The following STX6 variants were observed in gnomAD, a reference collection of about 807,000 sequenced individuals.
The protein encoded by STX6 is syntaxin 6.
Under a neutral mutation model 38.0 loss-of-function variants are expected in STX6, and 23 were observed. The ratio of observed to expected loss-of-function variants is 0.60; its 90% confidence interval spans 0.43 to 0.86. The LOEUF is 0.86. Among genes scored for constraint, STX6 ranks in the 40% least tolerant of loss-of-function variants. STX6 has a pLI of 0.00. For synonymous variants in STX6, 123 were observed against 107.5 expected, an observed-to-expected ratio of 1.14 and a Z score of -0.89; for missense variants, 274 against 312.9, an observed-to-expected ratio of 0.88 and a Z score of 0.94.
chr1:180,998,143 T>C (rs1168655081), intron 3 of STX6, among the ~76,000 whole-genome samples: 1 of 152,248 alleles, frequency 6.6e-6, no homozygotes, highest in Non-Finnish European at 1.5e-5. Context: ...TTCCTACTTT[T>C]ACTTCTTGAA....
At chr1:180,991,767 G>A (rs867350226) in intron 4 of STX6, among the ~76,000 whole-genome samples, 3 of 152,144 alleles carry the variant, frequency 2.0e-5, no homozygotes, top group African/African-American at 7.2e-5. Context: ...CTGGCACAAC[G>A]TGGCAAGGCC....
At position 180,975,916 on chromosome 1, in the gene STX6, C is replaced by A. The variant is rs41268450; in HGVS notation, c.*654G>T. The A allele has an allele frequency of 0.065, 9,981 of 152,546 alleles. 447 individuals carry two copies. The highest frequency in any genetic ancestry group is 0.11 in the Admixed American group (1,669 of 15,298). The allele number at this position is 152,546 out of a possible 1,614,324, so 9.4% of individuals were successfully genotyped here. The stretch of plus-strand genomic sequence containing the variant: ...GCCACAAGTTGTTAGCACCCCCAAA[C>A]CCCAGGGTGTTTCATTATTTTCCAT... On this transcript the variant is annotated 3_prime_UTR_variant, in exon 8 of 8. Coordinates refer to ENST00000258301, the MANE Select transcript of STX6 (RefSeq NM_005819.6).
intron 2 of STX6, among the ~76,000 whole-genome samples, chr1:181,003,569 T>A (rs1305805325): frequency 1.3e-5 from 2 of 152,206 alleles, no homozygotes; most frequent in African/African-American, 4.8e-5. Flanking sequence ...TGCCTTTTAA[T>A]AATGTAAAAG....
Position 180,975,722 on chromosome 1 carries a change from T to C in STX6, c.*848A>G, listed in dbSNP as rs1655227776. 6.6e-6 allele frequency: 1 copy of C among 152,234 alleles called. No homozygotes were observed. Among genetic ancestry groups the C allele is most frequent in the South Asian group, 2.1e-4 (1 of 4,834 alleles). 9.4% of individuals were successfully genotyped at this position (152,234 alleles called of 1,614,324 possible). On this transcript the variant is annotated 3_prime_UTR_variant, in exon 8 of 8. Transcript: ENST00000258301. ...CTGAGCTGTTTAGCAACAACATATG[T>C]AGCAATCACCCTCAAAACGCAAGCT... is the stretch of plus-strand genomic sequence containing the variant.
chr1:180,984,130 G>A (rs1047866308), intron 7 of STX6, among the ~76,000 whole-genome samples: 1 of 138,028 alleles, frequency 7.2e-6, no homozygotes, highest in Admixed American at 7.4e-5. Flanking sequence ...AACCAAACAC[G>A]GTGGGGGATC....
At chr1:181,007,965 C>G (rs1656275727) in intron 1 of STX6, among the ~76,000 whole-genome samples, 1 of 152,214 alleles carries the variant, frequency 6.6e-6, no homozygotes, top group African/African-American at 2.4e-5. Context: ...CTTCTACCAT[C>G]AGTCTGTGGA....
chr1:180,988,542 C>G (rs1655656495), intron 5 of STX6, 197 bp from the exon 6 acceptor site: 1 of 510,728 alleles, frequency 2.0e-6, no homozygotes, highest in South Asian at 2.1e-5. Context: ...CTACTGATAT[C>G]TCCTGCTGAT....
At chr1:180,993,146 A>G (rs1411478) in intron 4 of STX6, among the ~76,000 whole-genome samples, 85,253 of 151,922 alleles carry the variant, frequency 0.56, 24,255 homozygotes, top group East Asian at 0.63. Context: ...GAGCCCAGAG[A>G]AGAAGACCAG....
chr1:181,001,006 A>G (rs1656065600), intron 3 of STX6, among the ~76,000 whole-genome samples: 1 of 152,168 alleles, frequency 6.6e-6, no homozygotes, highest in Admixed American at 6.5e-5. Flanking sequence ...AGAATGTCCA[A>G]TCCAAACACT....
At chr1:180,991,266 G>A (rs1258496974) in intron 4 of STX6, among the ~76,000 whole-genome samples, 1 of 152,196 alleles carries the variant, frequency 6.6e-6, no homozygotes, top group Non-Finnish European at 1.5e-5. Flanking sequence ...GGGGCCCAGA[G>A]CTTCAGTCCA....
chr1:181,012,718 T>C (rs1656440411), intron 1 of STX6, among the ~76,000 whole-genome samples: 1 of 142,886 alleles, frequency 7.0e-6, no homozygotes, highest in African/African-American at 2.7e-5. Context: ...CTTGTTGCCC[T>C]GGCTGGAGTA....
At chr1:180,996,808 A>T (rs1213490115) in intron 3 of STX6, among the ~76,000 whole-genome samples, 1 of 152,116 alleles carries the variant, frequency 6.6e-6, no homozygotes, top group African/African-American at 2.4e-5. Flanking sequence ...CCTGAATTCA[A>T]CTGATCTTCC....
At chr1:180,999,600 A>T (rs1656018601) in intron 3 of STX6, among the ~76,000 whole-genome samples, 1 of 152,144 alleles carries the variant, frequency 6.6e-6, no homozygotes, top group Non-Finnish European at 1.5e-5. Flanking sequence ...TAAAGGCATA[A>T]CCAATGGACA....
At chr1:181,021,454 A>T (rs1656723647) in intron 1 of STX6, among the ~76,000 whole-genome samples, 1 of 152,226 alleles carries the variant, frequency 6.6e-6, no homozygotes, top group Admixed American at 6.5e-5. Flanking sequence ...CATAATCGAT[A>T]AAGTATTTCA....
chr1:180,988,258 C>T lies in STX6; in HGVS notation c.577G>A (p.Glu193Lys), dbSNP rs1655647036. Residue 193 changes from glutamate (E) to lysine (K), a missense_variant, in exon 6 of 8, where the codon GAG becomes AAG. Transcript: ENST00000258301. The part of the protein sequence containing the change: ...LKNMSQRIGG[E>K]LEEQAVMLED... Reference sequence around the variant, plus strand: ...ACTCACACTGCCTGTTCCTCCAGCTCCCCTCCGATGCGCTGGGACATGTTC... The same window carrying T: ...ACTCACACTGCCTGTTCCTCCAGCTTCCCTCCGATGCGCTGGGACATGTTC... 6.2e-7 allele frequency: 1 copy of T among 1,613,866 alleles called. No homozygotes were observed. Among genetic ancestry groups the T allele is most frequent in the Non-Finnish European group, 8.5e-7 (1 of 1,179,822 alleles).
intron 1 of STX6, among the ~76,000 whole-genome samples, chr1:181,010,450 C>T (rs115522698): frequency 1.5e-3 from 226 of 151,910 alleles, no homozygotes; most frequent in African/African-American, 5.3e-3. Flanking sequence ...TATGGGTATG[C>T]GCCACCACAC....
chr1:180,989,966 C>T lies in STX6; in HGVS notation c.489+18G>A, dbSNP rs746851757. The T allele has an allele frequency of 3.1e-6, 5 of 1,613,016 alleles. No individual in the cohort carries two copies. Among genetic ancestry groups the T allele is most frequent in the Middle Eastern group, 1.9e-4 (1 of 5,240 alleles). The stretch of plus-strand genomic sequence containing the variant: ...TGTTTCCCACTGGCCCGTCCTAAGT[C>T]TGGGGTCCTTGGGGTACCTGCTGCT... On this transcript the variant is annotated intron_variant, in intron 5 of 7. Transcript: ENST00000258301.
Position 181,022,676 on chromosome 1 carries a change from C to A in STX6, c.-3G>T, listed in dbSNP as rs1294106697. The A allele has an allele frequency of 2.5e-6, 4 of 1,608,326 alleles. No homozygotes were observed. Among genetic ancestry groups the A allele is most frequent in the Admixed American group, 1.7e-5 (1 of 59,526 alleles). ...AAGAAGGGGTCCTCCATGGACATGG[C>A]GTCCCGGCCCCGGCCGCCTTCACCT... On this transcript the variant is annotated 5_prime_UTR_variant, in exon 1 of 8. Coordinates refer to ENST00000258301, the MANE Select transcript of STX6 (RefSeq NM_005819.6).
chr1:181,021,711 C>T (rs1255750700), intron 1 of STX6, among the ~76,000 whole-genome samples: 1 of 152,202 alleles, frequency 6.6e-6, no homozygotes, highest in East Asian at 1.9e-4. Context: ...TGTTTAATGG[C>T]TACGAAGTGG....
Sources: gnomAD v4.1 joint callset for allele counts (sites outside exome capture counted in the v4.1 genomes callset) on GRCh38, gnomAD v4.1.1 for gene constraint, MANE v1.5 for transcripts, NCBI Gene and HGNC (gene_info 2026-07-23, HGNC 2026-07-21) for gene names.